TSHZ2: variants seen among roughly 807,000 people sequenced by gnomAD.
TSHZ2 encodes the protein teashirt zinc finger homeobox 2, also known as teashirt homolog 2.
TSHZ2 carries 21 observed loss-of-function variants against 74.4 expected under a neutral mutation model. That is an observed-to-expected ratio of 0.28 (90% CI 0.20 to 0.41). The LOEUF (loss-of-function observed/expected upper bound fraction) is 0.41, where lower values mean the gene tolerates loss of function less well. Among genes scored for constraint, TSHZ2 ranks in the 10% least tolerant of loss-of-function variants. TSHZ2 has a pLI of 1.00. For synonymous variants in TSHZ2, 540 were observed against 515.3 expected, an observed-to-expected ratio of 1.05 and a Z score of -0.65; for missense variants, 1,244 against 1,293.5, an observed-to-expected ratio of 0.96 and a Z score of 0.59.
intron 2 of TSHZ2, among the ~76,000 whole-genome samples, chr20:53,286,326 G>A (rs1263502866): frequency 2.6e-5 from 4 of 152,214 alleles, no homozygotes; most frequent in Admixed American, 6.5e-5. Flanking sequence ...AGTTAGAGAC[G>A]TCAGGTCTGG....
At chr20:53,330,360 G>A (rs149649718) in intron 2 of TSHZ2, among the ~76,000 whole-genome samples, 501 of 152,250 alleles carry the variant, frequency 3.3e-3, no homozygotes, top group Non-Finnish European at 4.0e-3. Flanking sequence ...CATCATTTGA[G>A]GTGATATGTA....
chr20:53,080,738 G>T (rs979731274), intron 1 of TSHZ2, among the ~76,000 whole-genome samples: 1 of 152,166 alleles, frequency 6.6e-6, no homozygotes, highest in African/African-American at 2.4e-5. Context: ...CTGCTATTCA[G>T]CCTGGTTCCT....
intron 2 of TSHZ2, among the ~76,000 whole-genome samples, chr20:53,469,634 GAGGAAGGAAGGAAGGAAGGAAGGAAGGA>G (rs756806325): frequency 2.8e-5 from 1 of 35,506 alleles, no homozygotes; most frequent in Non-Finnish European, 4.9e-5. Flanking sequence ...GGAAGGGAGG[GAGGAAGGAAGGAAGGAAGGAAGGAAGGA>G]AGGAAGGAAG....
chr20:53,038,038 G>A (rs1156484905), intron 1 of TSHZ2, among the ~76,000 whole-genome samples: 1 of 151,612 alleles, frequency 6.6e-6, no homozygotes, highest in African/African-American at 2.4e-5. Flanking sequence ...TTAGTGTACC[G>A]CAGGATCACC....
At chr20:53,117,843 A>G (rs1343917568) in intron 1 of TSHZ2, among the ~76,000 whole-genome samples, 2 of 152,224 alleles carry the variant, frequency 1.3e-5, no homozygotes, top group Non-Finnish European at 2.9e-5. Context: ...GGACAAATTC[A>G]GTATGTTTCT....
intron 1 of TSHZ2, among the ~76,000 whole-genome samples, chr20:53,087,490 T>C (rs1045805886): frequency 5.3e-5 from 8 of 152,190 alleles, no homozygotes; most frequent in Admixed American, 6.5e-5. Flanking sequence ...AAGCCCCCAG[T>C]CTTCACTTTT....
At chr20:53,448,864 C>T (rs6068545) in intron 2 of TSHZ2, among the ~76,000 whole-genome samples, 49,904 of 151,960 alleles carry the variant, frequency 0.33, 8,510 homozygotes, top group Non-Finnish European at 0.35. Flanking sequence ...TTCAAGATTG[C>T]TGTAAAGATT....
chr20:53,457,600 A>G (rs1216783969), intron 2 of TSHZ2, among the ~76,000 whole-genome samples: 2 of 132,770 alleles, frequency 1.5e-5, no homozygotes, highest in Non-Finnish European at 3.2e-5. Flanking sequence ...ACTATGTTGA[A>G]TAGGAGTGGT....
chr20:53,293,980 T>C (rs181656691), intron 2 of TSHZ2, among the ~76,000 whole-genome samples: 3 of 152,218 alleles, frequency 2.0e-5, no homozygotes, highest in Admixed American at 1.3e-4. Context: ...ATCATGCCAC[T>C]GCACTCCAGC....
intron 2 of TSHZ2, among the ~76,000 whole-genome samples, chr20:53,303,208 C>T (rs1978382259): frequency 6.6e-6 from 1 of 152,152 alleles, no homozygotes; most frequent in African/African-American, 2.4e-5. Context: ...TTAGACACCC[C>T]CCAAGACAGG....
chr20:53,228,228 C>T (rs1039654611), intron 1 of TSHZ2, among the ~76,000 whole-genome samples: 1 of 151,834 alleles, frequency 6.6e-6, no homozygotes, highest in African/African-American at 2.4e-5. Context: ...CTCTGGAAGT[C>T]GACCACATAG....
Position 52,977,801 on chromosome 20 carries a change from G to GAGTT in TSHZ2, c.40+4469_40+4472dup, listed in dbSNP as rs1318263138. ...TAATCAGCAGATTACAAGTGACAGA[G>GAGTT]AGTTTAGTGGAAACTCTGTAAGGGA... On this transcript the variant is annotated intron_variant, in intron 1 of 2. Coordinates refer to ENST00000371497, the MANE Select transcript of TSHZ2 (RefSeq NM_173485.6). Among the ~76,000 whole-genome samples the GAGTT allele has an allele frequency of 3.9e-5, 6 of 152,184 alleles. No individual in the cohort carries two copies. The East Asian group carries it at 1.2e-3, about 29-fold the overall frequency.
chr20:53,228,724 A>G (rs1020170273), intron 1 of TSHZ2, among the ~76,000 whole-genome samples: 8 of 138,484 alleles, frequency 5.8e-5, no homozygotes, highest in Non-Finnish European at 9.4e-5. Context: ...CCACCTCCCG[A>G]GTTGAGACAA....
rs540821722 is a variant in TSHZ2 at position 53,367,186 on chromosome 20, C to T, written c.*8+110615C>T. On this transcript the variant is annotated intron_variant, in intron 2 of 2. Transcript: ENST00000371497. The stretch of plus-strand genomic sequence containing the variant: ...TGAGGTGAGCGGATCACTTGAGGTC[C>T]AGAGTTCAAGAGCAGCCTGGTCAAC... Among the ~76,000 whole-genome samples the T allele has an allele frequency of 2.1e-4, 32 of 151,830 alleles. 1 individual carries two copies. The South Asian group carries it at 6.1e-3, about 29-fold the overall frequency.
chr20:53,009,463 C>T (rs1312156232), intron 1 of TSHZ2, among the ~76,000 whole-genome samples: 2 of 152,110 alleles, frequency 1.3e-5, no homozygotes, highest in East Asian at 3.8e-4. Flanking sequence ...TGAAGCGGGA[C>T]AGCTCAGGAT....
In TSHZ2 at chr20:53,145,945, T is replaced by C. The variant is rs1365060325; in HGVS notation, c.41-107554T>C. On this transcript the variant is annotated intron_variant, in intron 1 of 2. Coordinates refer to ENST00000371497, the MANE Select transcript of TSHZ2 (RefSeq NM_173485.6). ...ACTGCTGTCTGATTTGAGAAAAAAC[T>C]TAAGAGTTGGGGAAAATCATGTTGG... is the stretch of plus-strand genomic sequence containing the variant. Among the ~76,000 whole-genome samples the C allele has an allele frequency of 2.0e-5, 3 of 152,192 alleles. No individual in the cohort carries two copies. The East Asian group carries it at 5.8e-4, about 29-fold the overall frequency.
At chr20:53,183,610 T>G (rs1270646621) in intron 1 of TSHZ2, among the ~76,000 whole-genome samples, 36 of 152,150 alleles carry the variant, frequency 2.4e-4, no homozygotes, top group Admixed American at 2.3e-3. Context: ...TATACTCAGC[T>G]TCCTCTCACA....
At chr20:53,433,408 T>C (rs1983912625) in intron 2 of TSHZ2, among the ~76,000 whole-genome samples, 1 of 141,644 alleles carries the variant, frequency 7.1e-6, no homozygotes, top group Non-Finnish European at 1.5e-5. Context: ...TGTCGTAGCA[T>C]GCACCTGTAG....
chr20:53,127,851 C>T (rs1299892149), intron 1 of TSHZ2, among the ~76,000 whole-genome samples: 1 of 152,142 alleles, frequency 6.6e-6, no homozygotes, highest in African/African-American at 2.4e-5. Flanking sequence ...TGATTTGAAC[C>T]CTGACTTGCT....
Sources: allele counts gnomAD v4.1 joint callset (sites outside exome capture counted in the v4.1 genomes callset), GRCh38; gene constraint gnomAD v4.1.1; transcripts MANE v1.5; gene names NCBI Gene and HGNC (gene_info 2026-07-23, HGNC 2026-07-21).